Variants in WWTR1 observed in about 807,000 individuals in gnomAD.
The protein encoded by WWTR1 is WW domain-containing transcription regulator protein 1.
WWTR1 carries 13 observed loss-of-function variants against 40.1 expected under a neutral mutation model. That is an observed-to-expected ratio of 0.32 (90% CI 0.21 to 0.52). The LOEUF is 0.52. Among genes scored for constraint, WWTR1 ranks in the 20% least tolerant of loss-of-function variants. The pLI is 0.97. For missense variants in WWTR1, 436 were observed against 523.1 expected, an observed-to-expected ratio of 0.83 and a Z score of 1.63; for synonymous variants, 230 against 210.1, an observed-to-expected ratio of 1.09 and a Z score of -0.82.
chr3:149,579,972 C>A lies in WWTR1; in HGVS notation c.432-6972G>T, dbSNP rs371410982. Reference sequence around the variant, plus strand: ...CTGCCAAGTAAATCTGACCCACTGTCAGTAGACAACAAATGCTATGCCAAT... The same window carrying A: ...CTGCCAAGTAAATCTGACCCACTGTAAGTAGACAACAAATGCTATGCCAAT... On this transcript the variant is annotated intron_variant, in intron 2 of 6. Coordinates refer to ENST00000360632, the MANE Select transcript of WWTR1 (RefSeq NM_015472.6). Among the ~76,000 whole-genome samples the A allele has an allele frequency of 3.3e-5, 5 of 152,318 alleles. No homozygotes were observed. The East Asian group carries it at 9.6e-4, about 29-fold the overall frequency.
upstream of WWTR1, among the ~76,000 whole-genome samples, chr3:149,660,949 T>C (rs1394289729): frequency 1.3e-5 from 2 of 152,224 alleles, no homozygotes; most frequent in Non-Finnish European, 2.9e-5. Flanking sequence ...CCCAGCCTCA[T>C]GTTATTTATA....
At chr3:149,645,688 C>A (rs145048521) in intron 2 of WWTR1, among the ~76,000 whole-genome samples, 6 of 152,304 alleles carry the variant, frequency 3.9e-5, no homozygotes, top group African/African-American at 1.4e-4. Flanking sequence ...ATGATAGGTG[C>A]CCAGGTGCCC....
intron 6 of WWTR1, among the ~76,000 whole-genome samples, chr3:149,524,943 TG>T (rs369536543): frequency 3.4e-4 from 52 of 152,368 alleles, no homozygotes; most frequent in African/African-American, 1.2e-3. Context: ...CATTTATTTT[TG>T]GTTCTAGAAT....
chr3:149,641,328 G>A (rs1712157376), intron 2 of WWTR1, among the ~76,000 whole-genome samples: 2 of 152,144 alleles, frequency 1.3e-5, no homozygotes, highest in African/African-American at 4.8e-5. Flanking sequence ...CAGCCACCAA[G>A]ATGTTTACCA....
At chr3:149,703,688 G>T (rs1313542479), upstream of WWTR1, among the ~76,000 whole-genome samples, 1 of 152,054 alleles carries the variant, frequency 6.6e-6, no homozygotes, top group Admixed American at 6.5e-5. Context: ...TTCATAAGAG[G>T]GTTGGTGCTG....
At chr3:149,665,966 A>G (rs114814412) in intron 2 of WWTR1, among the ~76,000 whole-genome samples, 1,654 of 152,280 alleles carry the variant, frequency 0.011, 29 homozygotes, top group African/African-American at 0.037. Flanking sequence ...TTATCCATCC[A>G]TTCAACAAAT....
At chr3:149,534,706 T>C (rs2107922983) in intron 4 of WWTR1, among the ~76,000 whole-genome samples, 1 of 152,320 alleles carries the variant, frequency 6.6e-6, no homozygotes, top group East Asian at 1.9e-4. Context: ...AATTTATTTT[T>C]GTCTATGTCC....
At chr3:149,557,501 T>C (rs72997925) in intron 3 of WWTR1, among the ~76,000 whole-genome samples, 2,927 of 152,228 alleles carry the variant, frequency 0.019, 88 homozygotes, top group African/African-American at 0.067. Flanking sequence ...TTCAACACCA[T>C]GAAAGCCTTT....
intron 6 of WWTR1, 90 bp downstream of exon 6, chr3:149,525,923 T>G: frequency 2.8e-6 from 2 of 725,804 alleles, no homozygotes; most frequent in South Asian, 4.1e-5. Flanking sequence ...ATTATAAAAA[T>G]AAAATAAAAG....
chr3:149,592,134 T>C (rs1738756425), intron 2 of WWTR1, among the ~76,000 whole-genome samples: 1 of 152,214 alleles, frequency 6.6e-6, no homozygotes, highest in African/African-American at 2.4e-5. Flanking sequence ...CCAAAAGGGT[T>C]CTGTTATCAA....
rs183544104 is a variant in WWTR1 at position 149,633,573 on chromosome 3, G to T, written c.431+23303C>A. Among the ~76,000 whole-genome samples, 160 of 152,276 alleles carry T rather than the reference G, an allele frequency of 1.1e-3. 1 individual carries two copies. Among genetic ancestry groups the T allele is most frequent in the South Asian group, 6.7e-3 (32 of 4,810 alleles). Reference sequence around the variant, plus strand: ...CCTTTGGGACCCAGCTCAGTGCTAGGTATAATGGTAGACCCCCAAAGAGTT... The same window carrying T: ...CCTTTGGGACCCAGCTCAGTGCTAGTTATAATGGTAGACCCCCAAAGAGTT... On this transcript the variant is annotated intron_variant, in intron 2 of 6. Transcript: ENST00000360632.
Position 149,526,113 on chromosome 3 carries a change from A to G in WWTR1, c.918T>C (p.His306=). 1 of 1,607,012 alleles carries G rather than the reference A, an allele frequency of 6.2e-7. No homozygotes were observed. The highest frequency in any genetic ancestry group is 8.5e-7 in the Non-Finnish European group (1 of 1,176,810). The change falls in exon 6 of 7, where the codon CAT becomes CAC. Residue 306 remains histidine, a synonymous_variant. Transcript: ENST00000360632. ...SDPFLNGGPY[H]SREQSTDSGL... is the part of the protein sequence containing the mutation. Reference sequence around the variant, plus strand: ...CACTGTCAGTGCTCTGCTCCCTCGAATGATATGGCCCTCTGCAAAGCAAAA... The same window carrying G: ...CACTGTCAGTGCTCTGCTCCCTCGAGTGATATGGCCCTCTGCAAAGCAAAA...
intron 5 of WWTR1, among the ~76,000 whole-genome samples, chr3:149,526,612 AAAGT>A (rs1735327778): frequency 6.6e-6 from 1 of 152,346 alleles, no homozygotes; most frequent in South Asian, 2.1e-4. Context: ...TATTTGTTAA[AAAGT>A]AAGATTAAAT....
At chr3:149,684,351 G>A (rs973662422) in intron 1 of WWTR1, among the ~76,000 whole-genome samples, 7 of 152,026 alleles carry the variant, frequency 4.6e-5, no homozygotes, top group African/African-American at 9.7e-5. Flanking sequence ...TGATGATATC[G>A]CCTACAGGGA....
At chr3:149,613,457 T>C (rs575806872) in intron 2 of WWTR1, among the ~76,000 whole-genome samples, 3 of 152,276 alleles carry the variant, frequency 2.0e-5, no homozygotes, top group African/African-American at 7.2e-5. Flanking sequence ...AGAAACATTA[T>C]CTATCTGCCC....
intron 2 of WWTR1, among the ~76,000 whole-genome samples, chr3:149,591,070 T>C (rs953562081): frequency 6.6e-6 from 1 of 150,600 alleles, no homozygotes; most frequent in Admixed American, 6.6e-5. Context: ...CTTGTGACAA[T>C]AAAACAAATT....
intron 2 of WWTR1, among the ~76,000 whole-genome samples, chr3:149,598,157 T>C (rs1432340769): frequency 6.6e-6 from 1 of 152,164 alleles, no homozygotes; most frequent in African/African-American, 2.4e-5. Context: ...AACCCCCCAA[T>C]AGATCCTTCA....
chr3:149,548,471 A>G (rs1360828215), intron 3 of WWTR1, among the ~76,000 whole-genome samples: 1 of 152,188 alleles, frequency 6.6e-6, no homozygotes, highest in Non-Finnish European at 1.5e-5. Context: ...CTCATTTTTA[A>G]AATAGGTTTT....
chr3:149,657,452 C>G, intron 1 of WWTR1, 143 bp from the exon 2 acceptor site: 1 of 963,678 alleles, frequency 1.0e-6, no homozygotes, highest in Non-Finnish European at 1.5e-6. Context: ...GCCTGGAGAT[C>G]CCAGACACTC....
Sources: allele counts gnomAD v4.1 joint callset (sites outside exome capture counted in the v4.1 genomes callset), GRCh38; gene constraint gnomAD v4.1.1; transcripts MANE v1.5; gene names NCBI Gene and HGNC (gene_info 2026-07-23, HGNC 2026-07-21).